TRPM1: variants seen among roughly 807,000 people sequenced by gnomAD.
TRPM1 encodes transient receptor potential cation channel subfamily M member 1.
TRPM1 carries 113 observed loss-of-function variants against 149.4 expected under a neutral mutation model. That is an observed-to-expected ratio of 0.76 (90% CI 0.65 to 0.88). The LOEUF (loss-of-function observed/expected upper bound fraction) is 0.88, where lower values mean the gene tolerates loss of function less well. TRPM1 is among the 40% of genes least tolerant of loss of function. The pLI is 0.00. For missense variants in TRPM1, 1,976 were observed against 2,038.7 expected, an observed-to-expected ratio of 0.97 and a Z score of 0.59; for synonymous variants, 741 against 759.5, an observed-to-expected ratio of 0.98 and a Z score of 0.40.
In TRPM1 at chr15:31,082,931, GC is replaced by G. The variant is rs1211037856; in HGVS notation, c.-83-1494del. Among the ~76,000 whole-genome samples, 4 of 152,200 alleles carry G rather than the reference GC, an allele frequency of 2.6e-5. No individual in the cohort carries two copies. In the South Asian group the frequency reaches 8.3e-4, roughly 32 times the overall value. On this transcript the variant is annotated intron_variant, in intron 1 of 27. Coordinates refer to ENST00000256552, the MANE Select transcript of TRPM1 (RefSeq NM_001252024.2). ...GGAGTGGAATGAAGGGTCATGGGGG[GC>G]TTTAACAATGTGACCTTCTAGAAGG...
intron 1 of TRPM1, among the ~76,000 whole-genome samples, chr15:31,123,794 A>T (rs2035909562): frequency 1.3e-5 from 2 of 152,254 alleles, no homozygotes; most frequent in Non-Finnish European, 2.9e-5. Context: ...TTATAAAACT[A>T]AACATAGTCT....
chr15:31,145,901 T>C (rs934836380), intron 1 of TRPM1, among the ~76,000 whole-genome samples: 3 of 150,646 alleles, frequency 2.0e-5, no homozygotes, highest in Non-Finnish European at 2.9e-5. Context: ...AATACACTAA[T>C]GCTAACGATA....
chr15:31,083,432 G>A (rs1329155620), intron 1 of TRPM1, among the ~76,000 whole-genome samples: 3 of 152,140 alleles, frequency 2.0e-5, no homozygotes, highest in Non-Finnish European at 4.4e-5. Context: ...CTGGTGTCCT[G>A]GCACAGCTGC....
In TRPM1 at chr15:31,040,342, A is replaced by C; in HGVS notation, c.2092T>G (p.Phe698Val). The C allele has an allele frequency of 6.2e-7, 1 of 1,614,168 alleles. No homozygotes were observed. The highest frequency in any genetic ancestry group is 8.5e-7 in the Non-Finnish European group (1 of 1,180,000). Residue 698 changes from phenylalanine to valine, a missense_variant, in exon 18 of 28, where the codon TTC becomes GTC. Phe to Val is a conservative substitution (Grantham distance 50). Transcript: ENST00000256552. This position sits in a 1 kb window ranked among gnomAD's most constrained non-coding sequence, Gnocchi z 4.2. ...SQDLDNNSKD[F>V]GQLALELLDQ... ...AATAACTCCAAAGCAAGCTGGCCGA[A>C]GTCTCTGGGGGGAAAGAGAAGGGAC...
chr15:31,041,446 G>A (rs1200468629), intron 17 of TRPM1, among the ~76,000 whole-genome samples: 2 of 152,112 alleles, frequency 1.3e-5, no homozygotes, highest in Non-Finnish European at 2.9e-5. Flanking sequence ...CACCGTGCCC[G>A]GCCAGGAGAA....
At chr15:31,008,459 G>GT (rs1436196687) in intron 27 of TRPM1, among the ~76,000 whole-genome samples, 5 of 152,268 alleles carry the variant, frequency 3.3e-5, no homozygotes, top group South Asian at 4.1e-4. Context: ...AACATATAGG[G>GT]TTTTTTCCTT....
intron 1 of TRPM1, among the ~76,000 whole-genome samples, chr15:31,134,301 A>G (rs1422651792): frequency 6.6e-6 from 1 of 152,204 alleles, no homozygotes; most frequent in Non-Finnish European, 1.5e-5. Flanking sequence ...CCAACCCAAA[A>G]TATGACTATA....
rs529898889 is a variant in TRPM1, at chr15:31,062,405, G to A, written c.1089+174C>T. ...CAGGGGCCCTCCCCTGTGTGGGCTCGTTCAGCTTCTGTCATGTGGACACAG... is the reference window on the plus strand; with the variant it reads ...CAGGGGCCCTCCCCTGTGTGGGCTCATTCAGCTTCTGTCATGTGGACACAG... On this transcript the variant is annotated intron_variant, in intron 9 of 27. Coordinates refer to ENST00000256552, the MANE Select transcript of TRPM1 (RefSeq NM_001252024.2). Among the ~76,000 whole-genome samples the A allele has an allele frequency of 9.9e-5, 15 of 152,252 alleles. No homozygotes were observed. The South Asian group carries it at 3.1e-3, about 32-fold the overall frequency.
intron 3 of TRPM1, among the ~76,000 whole-genome samples, chr15:31,073,269 C>T (rs188501369): frequency 2.4e-4 from 37 of 152,246 alleles, no homozygotes; most frequent in South Asian, 8.3e-4. Context: ...ACTACTATTT[C>T]GCCATTGAAA....
chr15:31,063,148 G>A lies in TRPM1; in HGVS notation c.935C>T (p.Ser312Phe). 1 of 1,614,210 alleles carries A rather than the reference G, an allele frequency of 6.2e-7. No homozygotes were observed. The highest frequency in any genetic ancestry group is 2.2e-5 in the East Asian group (1 of 44,882). ...TTCTTCACAGTACTTGTGCGCAAAG[G>A]ACAGGATGTCCGAGGCACGTCCGCT... ...DGSGRASDIL[S>F]FAHKYCEEGG... is the part of the protein sequence containing the mutation. Residue 312 changes from serine (S) to phenylalanine (F), a missense_variant, in exon 8 of 28, where the codon TCC becomes TTC. By Grantham distance (155) the Ser-to-Phe change is radical. Transcript: ENST00000256552.
chr15:31,071,980 C>CATATATAT (rs71471861), intron 3 of TRPM1, among the ~76,000 whole-genome samples: 7 of 77,284 alleles, frequency 9.1e-5, no homozygotes, highest in Admixed American at 1.7e-4. Context: ...AAAAAAAAAA[C>CATATATAT]ATATATATAT....
rs544110984 is a variant in TRPM1 at position 31,154,527 on chromosome 15, C to T, written c.54+6379G>A. Among the ~76,000 whole-genome samples, 298 of 152,358 alleles carry T rather than the reference C, an allele frequency of 2.0e-3. 2 individuals carry two copies. Among genetic ancestry groups the T allele is most frequent in the Non-Finnish European group, 3.1e-3 (211 of 68,034 alleles). On this transcript the variant is annotated intron_variant, in intron 1 of 26. Coordinates refer to the TRPM1 transcript ENST00000542188. ...ACCTCTAAGCTGTCCTTGATCATTCCTGGGCGCAGGCTGAACTAACTTTCG... is the reference window on the plus strand; with the variant it reads ...ACCTCTAAGCTGTCCTTGATCATTCTTGGGCGCAGGCTGAACTAACTTTCG...
At chr15:31,052,085 C>A (rs1309681306) in intron 11 of TRPM1, among the ~76,000 whole-genome samples, 1 of 152,156 alleles carries the variant, frequency 6.6e-6, no homozygotes, top group African/African-American at 2.4e-5. Flanking sequence ...ATTTCAAAGG[C>A]CTATTAATAG....
intron 27 of TRPM1, among the ~76,000 whole-genome samples, chr15:31,014,238 TTGCC>T (rs1418963737): frequency 1.3e-5 from 2 of 152,226 alleles, no homozygotes; most frequent in Non-Finnish European, 2.9e-5. Context: ...ACTAAACCCT[TTGCC>T]TGTAAATGTT....
At chr15:31,046,079 A>T in intron 16 of TRPM1, 125 bp downstream of exon 16, 1 of 854,126 alleles carries the variant, frequency 1.2e-6, no homozygotes, top group Non-Finnish European at 2.0e-6. Context: ...CTTTTATATA[A>T]TTTGACTAAG....
At chr15:31,005,340 T>A (rs1420411199) in intron 27 of TRPM1, among the ~76,000 whole-genome samples, 2 of 152,096 alleles carry the variant, frequency 1.3e-5, no homozygotes, top group Non-Finnish European at 2.9e-5. Flanking sequence ...TTTTACCTAT[T>A]TTCCCCTTTA....
Position 31,035,578 on chromosome 15 carries a change from T to G in TRPM1, c.2668A>C (p.Ile890Leu), listed in dbSNP as rs576289604. ...SLQEWIVISY[I>L]VSLALEKIRE... ...ATCTTCTCTAACGCCAGGCTCACGA[T>G]GTAGGAGATGACGATCCACTCCTGG... The change falls in exon 21 of 28, where the codon ATC becomes CTC. Residue 890 changes from isoleucine (I) to leucine (L), a missense_variant. Physicochemically the swap from Ile to Leu is conservative, Grantham distance 5 (BLOSUM62 2). Around this residue, in one of 3 missense-constraint regions of TRPM1, gnomAD observed 1,332 missense variants for 1,347.1 expected, o/e 0.99. Coordinates refer to ENST00000256552, the MANE Select transcript of TRPM1 (RefSeq NM_001252024.2). The G allele has an allele frequency of 6.2e-7, 1 of 1,614,142 alleles. No homozygotes were observed. Among genetic ancestry groups the G allele is most frequent in the African/African-American group, 1.3e-5 (1 of 75,032 alleles).
intron 16 of TRPM1, 115 bp downstream of exon 16, chr15:31,046,089 G>T: frequency 1.1e-6 from 1 of 928,542 alleles, no homozygotes; most frequent in South Asian, 1.4e-5. Context: ...ATTTGACTAA[G>T]ACATCTAGGT....
At chr15:31,060,467 C>G in intron 11 of TRPM1, 77 bp downstream of exon 11, 1 of 1,231,078 alleles carries the variant, frequency 8.1e-7, no homozygotes, top group Non-Finnish European at 1.2e-6. Context: ...AATTCCATGT[C>G]ACAAGGGAGA....
Sources: allele counts gnomAD v4.1 joint callset (sites outside exome capture counted in the v4.1 genomes callset), GRCh38; gene constraint gnomAD v4.1.1; regional missense constraint gnomAD v4.1.1; non-coding constraint Gnocchi (gnomAD v3.1); transcripts MANE v1.5; gene names NCBI Gene and HGNC (gene_info 2026-07-23, HGNC 2026-07-21).